Variants in ABCA5 observed in about 807,000 individuals in gnomAD.
The protein encoded by ABCA5 is cholesterol transporter ABCA5.
Under a neutral mutation model 206.0 loss-of-function variants are expected in ABCA5, and 163 were observed. That is an observed-to-expected ratio of 0.79 (90% CI 0.70 to 0.90). The LOEUF (loss-of-function observed/expected upper bound fraction) is 0.90, where lower values mean the gene tolerates loss of function less well. ABCA5 is among the 40% of genes least tolerant of loss of function. The pLI, the probability that ABCA5 is intolerant of heterozygous loss-of-function variation, is 0.00. For missense variants in ABCA5, 1,859 were observed against 1,912.9 expected (o/e 0.97, Z 0.53); for synonymous variants, 609 against 613.8 (o/e 0.99, Z 0.11).
intron 2 of ABCA5, 105 bp from the exon 3 acceptor site, chr17:69,313,401 G>A (rs2075788671): frequency 2.0e-6 from 1 of 499,916 alleles, no homozygotes; most frequent in Non-Finnish European, 3.1e-6. Context: ...AGGAAATTTG[G>A]TTGTCCTTTC....
intron 23 of ABCA5, among the ~76,000 whole-genome samples, chr17:69,265,649 A>C (rs936917065): frequency 1.3e-5 from 2 of 152,186 alleles, no homozygotes; most frequent in Non-Finnish European, 2.9e-5. Context: ...CACAGAGATA[A>C]AGGAAGCATG....
chr17:69,300,925 A>C (rs894966520), intron 9 of ABCA5, among the ~76,000 whole-genome samples: 1 of 152,232 alleles, frequency 6.6e-6, no homozygotes. Context: ...AAGGCTTTCA[A>C]AACTGCTCTC....
chr17:69,290,252 A>G (rs1467635601), intron 12 of ABCA5, among the ~76,000 whole-genome samples: 2 of 152,266 alleles, frequency 1.3e-5, no homozygotes, highest in Admixed American at 6.5e-5. Flanking sequence ...CATATAACAT[A>G]GTGGGAAAAG....
At chr17:69,279,322 C>T (rs1006921788) in intron 18 of ABCA5, among the ~76,000 whole-genome samples, 2 of 152,184 alleles carry the variant, frequency 1.3e-5, no homozygotes, top group African/African-American at 2.4e-5. Flanking sequence ...ATCCAACTTA[C>T]GAGGGATGTG....
At chr17:69,303,450 T>C (rs1194077115) in intron 7 of ABCA5, among the ~76,000 whole-genome samples, 1 of 151,756 alleles carries the variant, frequency 6.6e-6, no homozygotes, top group African/African-American at 2.4e-5. Context: ...TGTATTTTTA[T>C]CTGTATCATA....
At chr17:69,252,170 C>T (rs62080864) in intron 34 of ABCA5, among the ~76,000 whole-genome samples, 1 of 132,648 alleles carries the variant, frequency 7.5e-6, no homozygotes, top group Non-Finnish European at 1.8e-5. Context: ...TGCCACCACA[C>T]CCGGCTAATT....
rs562041209 is a variant in ABCA5 at position 69,283,930 on chromosome 17, T to C, written c.2392+23A>G. 14 of 1,599,350 alleles carry C rather than the reference T, an allele frequency of 8.8e-6. No individual in the cohort carries two copies. In the East Asian group the frequency reaches 2.7e-4, roughly 31 times the overall value. On this transcript the variant is annotated intron_variant, in intron 18 of 38. Transcript: ENST00000392676. ...CATCTGTCTGATTCATTGCCTAAAA[T>C]GTTTTGTTAGTTCTGTTTTTACCTG...
chr17:69,261,741 C>A lies in ABCA5; in HGVS notation c.3323G>T (p.Cys1108Phe). ...YTVKFLAVVFCLIGYVPSVIL... is the reference protein window; with the variant it reads ...YTVKFLAVVFFLIGYVPSVIL... The stretch of plus-strand genomic sequence containing the variant: ...AACTGATGGAACATAACCAATAAGG[C>A]AAAAAACCTGTAAATCAGAAATATG... Residue 1108 changes from cysteine to phenylalanine, a missense_variant, in exon 25 of 39, where the codon TGC (cysteine) becomes TTC (phenylalanine). By Grantham distance (205) the Cys-to-Phe change is radical. Coordinates refer to ENST00000392676, the MANE Select transcript of ABCA5 (RefSeq NM_172232.4). 3 of 1,392,158 alleles carry A rather than the reference C, an allele frequency of 2.2e-6. No individual in the cohort carries two copies. Among genetic ancestry groups the A allele is most frequent in the South Asian group, 1.5e-5 (1 of 66,172 alleles). 86.2% of individuals were successfully genotyped at this position (1,392,158 alleles called of 1,614,324 possible). A position where few individuals can be genotyped will look rare whatever the true frequency, so the allele number is the denominator to read the frequency against.
intron 37 of ABCA5, chr17:69,249,597 C>G (rs933630792): frequency 3.1e-6 from 1 of 324,534 alleles, no homozygotes; most frequent in Admixed American, 4.8e-5. Flanking sequence ...TAAACTGTGT[C>G]AATGCTCTCT....
chr17:69,300,744 T>C (rs1293623824), intron 9 of ABCA5, among the ~76,000 whole-genome samples: 1 of 152,166 alleles, frequency 6.6e-6, no homozygotes, highest in Non-Finnish European at 1.5e-5. Context: ...AATATTACTA[T>C]TGAATCTACA....
At chr17:69,282,605 T>TA (rs1476043287) in intron 18 of ABCA5, among the ~76,000 whole-genome samples, 2 of 151,860 alleles carry the variant, frequency 1.3e-5, no homozygotes, top group Admixed American at 6.6e-5. Flanking sequence ...CTGTCTCTAC[T>TA]AAAAAATACA....
chr17:69,264,631 A>T, intron 24 of ABCA5, 104 bp downstream of exon 24: 1 of 804,720 alleles, frequency 1.2e-6, no homozygotes, highest in Admixed American at 3.7e-5. Flanking sequence ...TTTCTTTAAC[A>T]AATTAATAAC....
rs2075902101 is a variant in ABCA5, at chr17:69,327,102, G to C, written c.-66C>G. On this transcript the variant is annotated 5_prime_UTR_variant, in exon 1 of 39. Transcript: ENST00000392676. ...CAGGCCTGGACGCGCTCAGTCTGTT[G>C]ACTCAGTGCGGGTGACCCAGCTGGG... The C allele has an allele frequency of 6.6e-6, 1 of 152,438 alleles. No homozygotes were observed. The highest frequency in any genetic ancestry group is 1.5e-5 in the Non-Finnish European group (1 of 68,232). The allele number at this position is 152,438 out of a possible 1,614,324, so 9.4% of individuals were successfully genotyped here. A position where few individuals can be genotyped will look rare whatever the true frequency, so the allele number is the denominator to read the frequency against.
At chr17:69,280,210 A>G (rs1164989136) in intron 18 of ABCA5, among the ~76,000 whole-genome samples, 2 of 152,212 alleles carry the variant, frequency 1.3e-5, no homozygotes, top group Non-Finnish European at 2.9e-5. Flanking sequence ...AACCCCATCA[A>G]AAAGTGGGCA....
At chr17:69,253,548 A>G in intron 34 of ABCA5, 25 bp downstream of exon 34, 1 of 1,490,458 alleles carries the variant, frequency 6.7e-7, no homozygotes, top group Non-Finnish European at 9.4e-7. Context: ...AGTATCATGT[A>G]CTGTGTCACA....
At chr17:69,250,154 TTAC>T (rs2074995784) in intron 36 of ABCA5, among the ~76,000 whole-genome samples, 170 bp from the exon 37 acceptor site, 1 of 151,984 alleles carries the variant, frequency 6.6e-6, no homozygotes, top group Admixed American at 6.6e-5. Context: ...ACAACTCTCA[TTAC>T]TACTAAGAAT....
Position 69,261,736 on chromosome 17 carries a change from T to A in ABCA5, c.3328A>T (p.Ile1110Phe). Reference sequence around the variant, plus strand: ...AGAATAACTGATGGAACATAACCAATAAGGCAAAAAACCTGTAAATCAGAA... The same window carrying A: ...AGAATAACTGATGGAACATAACCAAAAAGGCAAAAAACCTGTAAATCAGAA... ...VKFLAVVFCL[I>F]GYVPSVILFT... Residue 1110 changes from isoleucine (I) to phenylalanine (F), a missense_variant, in exon 25 of 39, where the codon ATT (isoleucine) becomes TTT (phenylalanine). By Grantham distance (21) the Ile-to-Phe change is conservative. Transcript: ENST00000392676. The A allele has an allele frequency of 6.9e-7, 1 of 1,446,000 alleles. No individual in the cohort carries two copies. The highest frequency in any genetic ancestry group is 9.2e-7 in the Non-Finnish European group (1 of 1,083,340). 89.6% of individuals were successfully genotyped at this position (1,446,000 alleles called of 1,614,324 possible).
Position 69,270,654 on chromosome 17 carries a change from C to T in ABCA5, c.2989G>A (p.Val997Met). ...CTCCAGATCTGGATGGTTTCAGTCA[C>T]ATTTAAATGATAAAGATAGTAGTTA... ...ISNYYLYHLN[V>M]TETIQIWSTP... Residue 997 changes from valine (V) to methionine (M), a missense_variant, in exon 22 of 39, where the codon GTG (valine) becomes ATG (methionine). Val to Met is a conservative substitution (Grantham distance 21, BLOSUM62 1). Transcript: ENST00000392676. 1.2e-6 allele frequency: 2 copies of T among 1,602,478 alleles called. No homozygotes were observed. The highest frequency in any genetic ancestry group is 8.5e-7 in the Non-Finnish European group (1 of 1,175,510).
At position 69,304,801 on chromosome 17, in the gene ABCA5, C is replaced by G; in HGVS notation, c.798G>C (p.Trp266Cys). Residue 266 changes from tryptophan (W) to cysteine (C), a missense_variant, in exon 7 of 39, where the codon TGG (tryptophan) becomes TGC (cysteine). Transcript: ENST00000392676. ...GLHDTAFWLS[W>C]VLLYTSLIFL... ...AAATTAAACTTGTATATAGAAGAAC[C>G]CAGGAAAGCCTAAAATGAGAATACA... is the stretch of plus-strand genomic sequence containing the variant. 1 of 1,590,114 alleles carries G rather than the reference C, an allele frequency of 6.3e-7. No individual in the cohort carries two copies. Among genetic ancestry groups the G allele is most frequent in the Non-Finnish European group, 8.5e-7 (1 of 1,170,094 alleles).
Sources: gnomAD v4.1 joint callset for allele counts (sites outside exome capture counted in the v4.1 genomes callset) on GRCh38, gnomAD v4.1.1 for gene constraint, MANE v1.5 for transcripts, NCBI Gene and HGNC (gene_info 2026-07-23, HGNC 2026-07-21) for gene names.